The following IL5RA variants were observed in gnomAD, a reference collection of about 807,000 sequenced individuals.
IL5RA encodes the protein interleukin-5 receptor subunit alpha.
IL5RA carries 49 observed loss-of-function variants against 50.0 expected under a neutral mutation model. The ratio of observed to expected loss-of-function variants is 0.98; its 90% confidence interval spans 0.78 to 1.24. IL5RA has a LOEUF of 1.24. IL5RA is among the 50% of genes most tolerant of loss of function. IL5RA has a pLI of 0.00. For synonymous variants in IL5RA, 202 were observed against 174.0 expected (o/e 1.16, Z -1.26); for missense variants, 600 against 500.4 (o/e 1.20, Z -1.90).
chr3:3,082,693 G>C (rs340814), intron 9 of IL5RA, among the ~76,000 whole-genome samples: 4,520 of 152,306 alleles, frequency 0.03, 229 homozygotes, highest in African/African-American at 0.1. Context: ...AGGGCAGAAG[G>C]ACTGCAAGTA....
At chr3:3,072,960 A>G (rs770249756) in intron 11 of IL5RA, among the ~76,000 whole-genome samples, 12 of 152,320 alleles carry the variant, frequency 7.9e-5, no homozygotes, top group Non-Finnish European at 1.8e-4. Flanking sequence ...GTGCTAGAGC[A>G]AGGAGGGACT....
intron 9 of IL5RA, among the ~76,000 whole-genome samples, chr3:3,084,403 T>G (rs1436002879): frequency 1.3e-5 from 2 of 152,166 alleles, no homozygotes; most frequent in African/African-American, 4.8e-5. Context: ...TTCTAGATAC[T>G]GAGGAACAGA....
chr3:3,075,096 G>C (rs1419947568), intron 10 of IL5RA, among the ~76,000 whole-genome samples: 1 of 152,000 alleles, frequency 6.6e-6, no homozygotes, highest in African/African-American at 2.4e-5. Flanking sequence ...CTTTGTGTCA[G>C]TGGGTGTTAC....
intron 9 of IL5RA, among the ~76,000 whole-genome samples, chr3:3,081,833 A>T (rs1702673125): frequency 6.6e-6 from 1 of 152,170 alleles, no homozygotes; most frequent in African/African-American, 2.4e-5. Context: ...GCCGGGAGGG[A>T]GGTGGCACAT....
chr3:3,101,752 G>T lies in IL5RA; in HGVS notation c.307C>A (p.Gln103Lys), dbSNP rs766772175. The T allele has an allele frequency of 6.2e-7, 1 of 1,614,102 alleles. No individual in the cohort carries two copies. ...CTGGCCAGTAGTGAGTGGTCGTTCT[G>T]CAGGATGGTCCGCACACTTGCTGAA... ...GFSASVRTIL[Q>K]NDHSLLASSW... The change falls in exon 5 of 12, where the codon CAG (glutamine) becomes AAG (lysine). Residue 103 changes from glutamine to lysine, a missense_variant. By Grantham distance (53) the Gln-to-Lys change is moderately conservative. Coordinates refer to ENST00000446632, the MANE Select transcript of IL5RA (RefSeq NM_175726.4).
chr3:3,075,773 T>C (rs1212349471), intron 10 of IL5RA, among the ~76,000 whole-genome samples: 1 of 151,966 alleles, frequency 6.6e-6, no homozygotes, highest in Non-Finnish European at 1.5e-5. Flanking sequence ...GCTAATTTTT[T>C]GTATTTTTAG....
At chr3:3,097,264 T>C (rs1703408495) in intron 7 of IL5RA, among the ~76,000 whole-genome samples, 2 of 152,204 alleles carry the variant, frequency 1.3e-5, no homozygotes, top group South Asian at 4.2e-4. Context: ...ATCCAGGAGA[T>C]GGGCCAGAAC....
At chr3:3,082,219 A>G (rs1412646651) in intron 9 of IL5RA, among the ~76,000 whole-genome samples, 1 of 152,198 alleles carries the variant, frequency 6.6e-6, no homozygotes, top group African/African-American at 2.4e-5. Context: ...AATTTGGGAG[A>G]TCCCGTAGTA....
chr3:3,090,952 A>G (rs1703071994), intron 9 of IL5RA, among the ~76,000 whole-genome samples: 1 of 152,148 alleles, frequency 6.6e-6, no homozygotes, highest in Non-Finnish European at 1.5e-5. Flanking sequence ...TGTCAGGGTA[A>G]GACTGGAAAT....
chr3:3,084,598 A>C (rs1181881373), intron 9 of IL5RA, among the ~76,000 whole-genome samples: 1 of 152,202 alleles, frequency 6.6e-6, no homozygotes, highest in Non-Finnish European at 1.5e-5. Flanking sequence ...TCCTGCTTGC[A>C]CAGCCCCCAG....
chr3:3,075,033 C>T (rs952316762), intron 10 of IL5RA, among the ~76,000 whole-genome samples, 167 bp from the exon 11 acceptor site: 23 of 152,054 alleles, frequency 1.5e-4, no homozygotes, highest in Middle Eastern at 6.8e-3. Context: ...TTGTGGGTAC[C>T]GCAAGCCTCT....
chr3:3,104,418 T>G (rs1703806800), intron 3 of IL5RA, among the ~76,000 whole-genome samples: 1 of 152,250 alleles, frequency 6.6e-6, no homozygotes, highest in Non-Finnish European at 1.5e-5. Context: ...TAGTGGCTAC[T>G]GCATTGGACA....
chr3:3,107,149 C>G (rs1169075741), intron 2 of IL5RA, among the ~76,000 whole-genome samples: 1 of 151,874 alleles, frequency 6.6e-6, no homozygotes, highest in African/African-American at 2.4e-5. Flanking sequence ...TTTTTCATGT[C>G]TCATTGTCAT....
At chr3:3,100,861 A>G (rs1703612043) in intron 5 of IL5RA, among the ~76,000 whole-genome samples, 2 of 151,968 alleles carry the variant, frequency 1.3e-5, no homozygotes, top group Admixed American at 1.3e-4. Flanking sequence ...TAACAAGTAA[A>G]TGGGGCCGGA....
chr3:3,071,547 T>G (rs534390313), intron 11 of IL5RA, among the ~76,000 whole-genome samples: 1 of 146,934 alleles, frequency 6.8e-6, no homozygotes, highest in Non-Finnish European at 1.5e-5. Context: ...ACTTTCTTCC[T>G]TCACAGTGTG....
chr3:3,095,956 G>A (rs993239019), intron 7 of IL5RA, among the ~76,000 whole-genome samples: 6 of 152,142 alleles, frequency 3.9e-5, no homozygotes, highest in Non-Finnish European at 8.8e-5. Flanking sequence ...GGCTGGAGCA[G>A]GAAGCTTCAG....
intron 4 of IL5RA, 146 bp downstream of exon 4, chr3:3,102,529 T>C (rs1703702113): frequency 1.8e-6 from 1 of 570,126 alleles, no homozygotes; most frequent in South Asian, 2.4e-5. Context: ...ACAGGCATTC[T>C]TAGAGAGACA....
chr3:3,103,833 T>A (rs1703774997), intron 3 of IL5RA, among the ~76,000 whole-genome samples: 1 of 152,214 alleles, frequency 6.6e-6, no homozygotes, highest in Non-Finnish European at 1.5e-5. Context: ...TAATTTTTTT[T>A]ACCACAATTA....
intron 5 of IL5RA, among the ~76,000 whole-genome samples, chr3:3,098,910 CT>C (rs1443099746): frequency 6.6e-6 from 1 of 152,196 alleles, no homozygotes; most frequent in Non-Finnish European, 1.5e-5. Context: ...TGTCCGGCAA[CT>C]TTGGTGCTCT....
Sources: gnomAD v4.1 joint callset for allele counts (sites outside exome capture counted in the v4.1 genomes callset) on GRCh38, gnomAD v4.1.1 for gene constraint, MANE v1.5 for transcripts, NCBI Gene and HGNC (gene_info 2026-07-23, HGNC 2026-07-21) for gene names.